UBE2E2: variants seen among roughly 807,000 people sequenced by gnomAD.
UBE2E2 encodes the protein ubiquitin-conjugating enzyme E2 E2.
A neutral mutation model predicts 24.7 loss-of-function variants in UBE2E2; 6 were observed. The ratio of observed to expected loss-of-function variants is 0.24; its 90% CI spans 0.13 to 0.48. The LOEUF is 0.48. Ranked by LOEUF, UBE2E2 falls within the 20% of genes least tolerant of loss-of-function variation. The pLI, the probability that UBE2E2 is intolerant of heterozygous loss-of-function variation, is 0.99. For synonymous variants in UBE2E2, 104 were observed against 83.6 expected, an observed-to-expected ratio of 1.24 and a Z score of -1.33; for missense variants, 169 against 245.0, an observed-to-expected ratio of 0.69 and a Z score of 2.07.
chr3:23,557,294 T>C (rs940741522), intron 5 of UBE2E2, among the ~76,000 whole-genome samples: 10 of 152,236 alleles, frequency 6.6e-5, no homozygotes, highest in African/African-American at 2.4e-4. Context: ...CATCATTTAC[T>C]GTTGCGCATT....
chr3:23,535,868 G>T (rs959301322), intron 5 of UBE2E2, among the ~76,000 whole-genome samples: 7 of 152,006 alleles, frequency 4.6e-5, no homozygotes, highest in African/African-American at 1.7e-4. Context: ...TGATCCGCCC[G>T]CCTCGGCCTC....
intron 3 of UBE2E2, among the ~76,000 whole-genome samples, chr3:23,228,990 C>T (rs1425847794): frequency 6.6e-6 from 1 of 152,134 alleles, no homozygotes; most frequent in Non-Finnish European, 1.5e-5. Flanking sequence ...ATTTTTCCTC[C>T]ACCTTGAATC....
In UBE2E2 at chr3:23,353,116, A is replaced by G. The variant is rs576561949; in HGVS notation, c.227+135804A>G. ...AATAAATGTACTCCAGCATATAAACAGAACCAAAGACAAAAACCACCATGA... is the reference window on the plus strand; with the variant it reads ...AATAAATGTACTCCAGCATATAAACGGAACCAAAGACAAAAACCACCATGA... On this transcript the variant is annotated intron_variant, in intron 3 of 5. Coordinates refer to ENST00000396703, the MANE Select transcript of UBE2E2 (RefSeq NM_152653.4). Among the ~76,000 whole-genome samples the G allele has an allele frequency of 1.1e-3, 169 of 152,380 alleles. 1 individual carries two copies. Among genetic ancestry groups the G allele is most frequent in the Non-Finnish European group, 1.7e-3 (114 of 68,038 alleles).
intron 3 of UBE2E2, among the ~76,000 whole-genome samples, chr3:23,478,792 A>G (rs187294849): frequency 2.9e-3 from 442 of 152,166 alleles, no homozygotes; most frequent in Middle Eastern, 0.01. Context: ...TATAATCCCA[A>G]CACTTTGAGT....
chr3:23,512,920 CCATA>C (rs112434628), intron 4 of UBE2E2, among the ~76,000 whole-genome samples: 1 of 151,530 alleles, frequency 6.6e-6, no homozygotes, highest in Non-Finnish European at 1.5e-5. Flanking sequence ...AGGACCTTGA[CCATA>C]CATACATACA....
At chr3:23,384,823 G>C (rs1575598092) in intron 3 of UBE2E2, among the ~76,000 whole-genome samples, 1 of 152,184 alleles carries the variant, frequency 6.6e-6, no homozygotes. Context: ...TTACAGGCGT[G>C]AGCCACCACA....
At chr3:23,340,754 G>A (rs1695360281) in intron 3 of UBE2E2, among the ~76,000 whole-genome samples, 1 of 152,148 alleles carries the variant, frequency 6.6e-6, no homozygotes, top group Non-Finnish European at 1.5e-5. Flanking sequence ...GGGAGCAATA[G>A]GTGTGTTTGT....
chr3:23,281,062 G>C (rs990179292), intron 3 of UBE2E2, among the ~76,000 whole-genome samples: 1 of 152,124 alleles, frequency 6.6e-6, no homozygotes, highest in Non-Finnish European at 1.5e-5. Context: ...TAATCCCATC[G>C]TCAGGGACCC....
At chr3:23,479,111 G>A (rs1421709429) in intron 3 of UBE2E2, among the ~76,000 whole-genome samples, 2 of 152,108 alleles carry the variant, frequency 1.3e-5, no homozygotes, top group South Asian at 2.1e-4. Context: ...CTTGGGTTTT[G>A]CTTGGGCCCA....
rs201811022 is a variant in UBE2E2 at position 23,426,001 on chromosome 3, A to AGAT, written c.228-73605_228-73603dup. Among the ~76,000 whole-genome samples, 1,364 of 152,338 alleles carry AGAT rather than the reference A, an allele frequency of 9.0e-3. 20 individuals carry two copies. The highest frequency in any genetic ancestry group is 0.031 in the African/African-American group (1,307 of 41,582). ...ATACTAAGGGCTCTAGGGATAAAGT[A>AGAT]GATGCCATGGAAGAGCAGATGGGCA... On this transcript the variant is annotated intron_variant, in intron 3 of 5. Transcript: ENST00000396703.
At chr3:23,292,076 T>A (rs1242093817) in intron 3 of UBE2E2, among the ~76,000 whole-genome samples, 12 of 152,018 alleles carry the variant, frequency 7.9e-5, no homozygotes, top group Admixed American at 7.9e-4. Flanking sequence ...ACCAGGATGG[T>A]CTTGATCTCC....
intron 3 of UBE2E2, among the ~76,000 whole-genome samples, chr3:23,281,464 C>G (rs148903745): frequency 6.6e-6 from 1 of 152,074 alleles, no homozygotes; most frequent in East Asian, 1.9e-4. Context: ...GAACTTGTCT[C>G]TACAAAAAAT....
At chr3:23,334,894 T>G (rs573053939) in intron 3 of UBE2E2, among the ~76,000 whole-genome samples, 2 of 152,332 alleles carry the variant, frequency 1.3e-5, no homozygotes, top group Admixed American at 1.3e-4. Context: ...GTCTGTTCTG[T>G]TTGAAATTCA....
At chr3:23,502,208 T>C (rs1195225892) in intron 4 of UBE2E2, among the ~76,000 whole-genome samples, 1 of 147,452 alleles carries the variant, frequency 6.8e-6, no homozygotes, top group Non-Finnish European at 1.5e-5. Flanking sequence ...TTTTCTCTGC[T>C]GCTTGGTATT....
At chr3:23,369,411 A>G (rs921655369) in intron 3 of UBE2E2, among the ~76,000 whole-genome samples, 1 of 152,090 alleles carries the variant, frequency 6.6e-6, no homozygotes, top group Non-Finnish European at 1.5e-5. Context: ...TGAGTTTTGG[A>G]TCTTTTGATT....
At position 23,203,732 on chromosome 3, in the gene UBE2E2, C is replaced by A. The variant is rs1575466669; in HGVS notation, c.-9+268C>A. Among the ~76,000 whole-genome samples, 3 of 148,006 alleles carry A rather than the reference C, an allele frequency of 2.0e-5. No homozygotes were observed. The South Asian group carries it at 6.8e-4, about 33-fold the overall frequency. On this transcript the variant is annotated intron_variant, in intron 1 of 5. Coordinates refer to ENST00000396703, the MANE Select transcript of UBE2E2 (RefSeq NM_152653.4). Reference sequence around the variant, plus strand: ...TCTCTCCCTGTCCTCCTTCTACCCCCTTCCGTTCTCAGTTCCCCATCCTTC... The same window carrying A: ...TCTCTCCCTGTCCTCCTTCTACCCCATTCCGTTCTCAGTTCCCCATCCTTC...
At chr3:23,545,591 G>A (rs1450876002) in intron 5 of UBE2E2, among the ~76,000 whole-genome samples, 1 of 152,072 alleles carries the variant, frequency 6.6e-6, no homozygotes, top group African/African-American at 2.4e-5. Context: ...TTTCTACACA[G>A]ACACAGTAAC....
chr3:23,276,541 A>G (rs1698378492), intron 3 of UBE2E2, among the ~76,000 whole-genome samples: 1 of 152,164 alleles, frequency 6.6e-6, no homozygotes, highest in Non-Finnish European at 1.5e-5. Flanking sequence ...AATGCTTTCT[A>G]CCTGCTAAAA....
rs1447664984 is a variant in UBE2E2 at position 23,432,869 on chromosome 3, T to C, written c.228-66739T>C. Among the ~76,000 whole-genome samples the C allele has an allele frequency of 1.6e-4, 25 of 151,834 alleles. 1 individual carries two copies. The highest frequency in any genetic ancestry group is 1.6e-3 in the Admixed American group (25 of 15,244). On this transcript the variant is annotated intron_variant, in intron 3 of 5. Coordinates refer to ENST00000396703, the MANE Select transcript of UBE2E2 (RefSeq NM_152653.4). ...AATAAACTATTAACATATTAACAGA[T>C]ATAATAGATGTTAATATTAATATAA...
Sources: gnomAD v4.1 joint callset for allele counts (sites outside exome capture counted in the v4.1 genomes callset) on GRCh38, gnomAD v4.1.1 for gene constraint, MANE v1.5 for transcripts, NCBI Gene and HGNC (gene_info 2026-07-23, HGNC 2026-07-21) for gene names.